GPC6: variants seen among roughly 807,000 people sequenced by gnomAD.
The protein encoded by GPC6 is glypican-6.
A neutral mutation model predicts 55.2 loss-of-function variants in GPC6; 14 were observed. The observed-to-expected ratio is 0.25, with a 90% CI of 0.17 to 0.40. The LOEUF (loss-of-function observed/expected upper bound fraction) is 0.40. GPC6 is among the 10% of genes least tolerant of loss of function. GPC6 has a pLI of 1.00. For synonymous variants in GPC6, 278 were observed against 259.6 expected (o/e 1.07, Z -0.68); for missense variants, 641 against 708.5 (o/e 0.90, Z 1.08).
At position 93,930,849 on chromosome 13, in the gene GPC6, A is replaced by G. The variant is rs187293000; in HGVS notation, c.712-96880A>G. ...AGAAAAGTGGTTTAATTGGTTCACA[A>G]TTCTATGGGCTGTACAGGAAGCATG... is the stretch of plus-strand genomic sequence containing the variant. On this transcript the variant is annotated intron_variant, in intron 3 of 8. Coordinates refer to ENST00000377047, the MANE Select transcript of GPC6 (RefSeq NM_005708.5). Among the ~76,000 whole-genome samples the G allele has an allele frequency of 3.4e-3, 524 of 152,226 alleles. 4 individuals are homozygous for G. The highest frequency in any genetic ancestry group is 0.012 in the African/African-American group (506 of 41,520).
chr13:93,768,308 T>C (rs1451027864), intron 2 of GPC6, among the ~76,000 whole-genome samples: 1 of 152,212 alleles, frequency 6.6e-6, no homozygotes, highest in Admixed American at 6.6e-5. Flanking sequence ...TCATTTTCCC[T>C]GAAAACCCTT....
intron 2 of GPC6, among the ~76,000 whole-genome samples, chr13:93,633,684 T>C (rs1879576709): frequency 6.8e-6 from 1 of 147,920 alleles, no homozygotes; most frequent in South Asian, 2.2e-4. Context: ...ATAACCAAAG[T>C]TTTTGCCACA....
chr13:93,701,630 G>A (rs1882674748), intron 2 of GPC6, among the ~76,000 whole-genome samples: 1 of 152,006 alleles, frequency 6.6e-6, no homozygotes, highest in African/African-American at 2.4e-5. Context: ...TTATTCAGTA[G>A]CATTTTACTC....
chr13:93,495,346 A>G lies in GPC6; in HGVS notation c.161-49917A>G, dbSNP rs1288512471. The stretch of plus-strand genomic sequence containing the variant: ...CCTGAGGCTTCTGCATTCTTCACGT[A>G]GTTCTCGAGCCTTGGTTTTCAGCTC... On this transcript the variant is annotated intron_variant, in intron 1 of 8. Transcript: ENST00000377047. Among the ~76,000 whole-genome samples, 7 of 147,812 alleles carry G rather than the reference A, an allele frequency of 4.7e-5. No homozygotes were observed. The South Asian group carries it at 1.5e-3, about 32-fold the overall frequency.
chr13:94,263,086 C>A (rs190064594), intron 4 of GPC6, among the ~76,000 whole-genome samples: 2 of 152,316 alleles, frequency 1.3e-5, no homozygotes, highest in East Asian at 3.9e-4. Context: ...TCTCATTTAA[C>A]CTTCTCAACA....
At chr13:93,917,353 G>A (rs1246225526) in intron 3 of GPC6, among the ~76,000 whole-genome samples, 4 of 151,604 alleles carry the variant, frequency 2.6e-5, no homozygotes, top group Non-Finnish European at 2.9e-5. Flanking sequence ...CAGCCACAGC[G>A]TGGAAAAACC....
At chr13:93,366,582 C>G (rs949292355) in intron 1 of GPC6, among the ~76,000 whole-genome samples, 1 of 152,054 alleles carries the variant, frequency 6.6e-6, no homozygotes, top group African/African-American at 2.4e-5. Context: ...TTTCTATCCA[C>G]TTTTCACTAA....
chr13:93,745,900 G>A (rs1174501682), intron 2 of GPC6, among the ~76,000 whole-genome samples: 1 of 152,212 alleles, frequency 6.6e-6, no homozygotes, highest in African/African-American at 2.4e-5. Context: ...TCACATGTGA[G>A]TTAGGACTTT....
intron 1 of GPC6, chr13:93,395,397 C>T (rs1329711595): frequency 3.3e-6 from 1 of 304,690 alleles, no homozygotes; most frequent in Non-Finnish European, 6.3e-6. Flanking sequence ...TCCACAGAAT[C>T]ACGGCCATCA....
At chr13:94,323,987 G>A (rs1425004352) in intron 6 of GPC6, among the ~76,000 whole-genome samples, 1 of 152,120 alleles carries the variant, frequency 6.6e-6, no homozygotes, top group African/African-American at 2.4e-5. Flanking sequence ...TAGTCGCTGA[G>A]GACTAGAAGA....
chr13:93,898,799 G>C (rs1876166157), intron 3 of GPC6, among the ~76,000 whole-genome samples: 1 of 151,760 alleles, frequency 6.6e-6, no homozygotes. Context: ...ACAGAGCACA[G>C]CTTAGGAAGG....
intron 6 of GPC6, among the ~76,000 whole-genome samples, chr13:94,312,444 T>C (rs1168902633): frequency 6.6e-6 from 1 of 152,234 alleles, no homozygotes; most frequent in African/African-American, 2.4e-5. Context: ...TCCATGCCTC[T>C]TTGGGGCTGT....
chr13:94,126,679 G>A (rs1467063936), intron 4 of GPC6, among the ~76,000 whole-genome samples: 1 of 152,064 alleles, frequency 6.6e-6, no homozygotes, highest in African/African-American at 2.4e-5. Flanking sequence ...GTAATAGGAG[G>A]AGTACAAAAA....
chr13:93,848,833 C>T (rs1888293253), intron 3 of GPC6, among the ~76,000 whole-genome samples: 1 of 152,044 alleles, frequency 6.6e-6, no homozygotes, highest in Admixed American at 6.6e-5. Flanking sequence ...AGTTTCTTTG[C>T]CACTTTCCTT....
At chr13:93,942,191 T>C (rs1051147492) in intron 3 of GPC6, among the ~76,000 whole-genome samples, 3 of 152,212 alleles carry the variant, frequency 2.0e-5, no homozygotes, top group African/African-American at 7.2e-5. Flanking sequence ...AGTCATCTAT[T>C]ACTTCATAAC....
chr13:93,440,260 C>T, intron 1 of GPC6, among the ~76,000 whole-genome samples: 1 of 152,152 alleles, frequency 6.6e-6, no homozygotes, highest in Non-Finnish European at 1.5e-5. Context: ...TCTGGAACTC[C>T]CTGTCACAAG....
chr13:93,295,069 C>T (rs1238904931), intron 1 of GPC6, among the ~76,000 whole-genome samples: 2 of 134,402 alleles, frequency 1.5e-5, no homozygotes, highest in Admixed American at 8.5e-5. Context: ...CTCAGGAGTT[C>T]GAGACCAGCC....
At chr13:94,035,404 G>T (rs1338291864) in intron 4 of GPC6, among the ~76,000 whole-genome samples, 4 of 152,020 alleles carry the variant, frequency 2.6e-5, no homozygotes, top group African/African-American at 9.7e-5. Flanking sequence ...GGAGATAAAA[G>T]GAACATGTGA....
intron 2 of GPC6, among the ~76,000 whole-genome samples, chr13:93,791,823 T>C (rs1451069333): frequency 6.6e-6 from 1 of 152,226 alleles, no homozygotes; most frequent in Non-Finnish European, 1.5e-5. Context: ...TAGATTGTGA[T>C]ATTGAAAACA....
Sources: allele counts gnomAD v4.1 joint callset (sites outside exome capture counted in the v4.1 genomes callset), GRCh38; gene constraint gnomAD v4.1.1; transcripts MANE v1.5; gene names NCBI Gene and HGNC (gene_info 2026-07-23, HGNC 2026-07-21).